The following SLC37A1 variants were observed in gnomAD, a reference collection of about 807,000 sequenced individuals.
The protein encoded by SLC37A1 is solute carrier family 37 member 1, also known as glucose-6-phosphate exchanger SLC37A1.
Under a neutral mutation model 75.3 loss-of-function variants are expected in SLC37A1, and 49 were observed. The ratio of observed to expected loss-of-function variants is 0.65; its 90% CI spans 0.52 to 0.83. The LOEUF is 0.83. Among genes scored for constraint, SLC37A1 ranks in the 40% least tolerant of loss-of-function variants. SLC37A1 has a pLI of 0.00. For synonymous variants in SLC37A1, 268 were observed against 292.1 expected (o/e 0.92, Z 0.84); for missense variants, 566 against 695.0 (o/e 0.81, Z 2.09).
intron 18 of SLC37A1, 146 bp from the exon 19 acceptor site, chr21:42,579,590 C>T: frequency 3.2e-6 from 1 of 317,030 alleles, no homozygotes; most frequent in Non-Finnish European, 5.3e-6. Context: ...CCCCGCTGCT[C>T]TTGCAGGGAG....
chr21:42,569,716 C>T (rs2056077697), intron 17 of SLC37A1, among the ~76,000 whole-genome samples: 1 of 152,260 alleles, frequency 6.6e-6, no homozygotes, highest in Admixed American at 6.5e-5. Flanking sequence ...GGATTCGGTG[C>T]ACTCCTCTGT....
At chr21:42,520,678 C>T (rs556954040) in intron 2 of SLC37A1, among the ~76,000 whole-genome samples, 26 of 151,798 alleles carry the variant, frequency 1.7e-4, no homozygotes, top group South Asian at 4.2e-4. Flanking sequence ...TAAAATGCAC[C>T]CCGCTAGGAG....
At chr21:42,505,747 T>C (rs778347447) in intron 2 of SLC37A1, among the ~76,000 whole-genome samples, 2 of 152,252 alleles carry the variant, frequency 1.3e-5, no homozygotes, top group African/African-American at 2.4e-5. Context: ...AAAGAGCTTT[T>C]TAAATTTTGT....
chr21:42,579,816 G>T lies in SLC37A1; in HGVS notation c.1586+16G>T, dbSNP rs766768429. ...ACCAAGTTCCGTAAGTCCCACTCGGGCCCTGTCTCCGTGCGTGAAAGCCGG... is the reference window on the plus strand; with the variant it reads ...ACCAAGTTCCGTAAGTCCCACTCGGTCCCTGTCTCCGTGCGTGAAAGCCGG... On this transcript the variant is annotated intron_variant, in intron 19 of 19. Transcript: ENST00000352133. 3.7e-6 allele frequency: 6 copies of T among 1,613,724 alleles called. No homozygotes were observed. The highest frequency in any genetic ancestry group is 5.1e-6 in the Non-Finnish European group (6 of 1,179,850).
intron 1 of SLC37A1, among the ~76,000 whole-genome samples, chr21:42,516,403 G>A (rs2054522449): frequency 6.6e-6 from 1 of 152,158 alleles, no homozygotes; most frequent in Admixed American, 6.5e-5. Context: ...GCCTCTTCAG[G>A]GTGGTCACGG....
rs1471017890 is a variant in SLC37A1 at position 42,508,276 on chromosome 21, C to T, written c.-179+5859C>T. On this transcript the variant is annotated intron_variant, in intron 2 of 20. Transcript: ENST00000398341. ...CCCCCGTAGCTATGATTACAGGTGC[C>T]CGCCACCATGCCTGGCTAATTTTTG... Among the ~76,000 whole-genome samples, 3 of 151,844 alleles carry T rather than the reference C, an allele frequency of 2.0e-5. No homozygotes were observed. In the East Asian group the frequency reaches 5.8e-4, roughly 29 times the overall value.
chr21:42,521,114 G>T (rs534770987), intron 2 of SLC37A1, among the ~76,000 whole-genome samples: 2 of 152,300 alleles, frequency 1.3e-5, no homozygotes, highest in East Asian at 3.9e-4. Context: ...CCCGTGGGGC[G>T]GCAGCTTGAG....
At chr21:42,554,227 C>A in intron 10 of SLC37A1, 85 bp downstream of exon 10, 2 of 1,150,474 alleles carry the variant, frequency 1.7e-6, no homozygotes, top group Non-Finnish European at 2.5e-6. Context: ...TGTCCCTCTG[C>A]CTATGTGACA....
Position 42,549,238 on chromosome 21 carries a change from G to A in SLC37A1, c.768+2098G>A, listed in dbSNP as rs372079384. ...AGAAGAGCTTTTCTCACCCAGGGGC[G>A]GCCAGGCCTGAGGATAGGAAGCAGG... On this transcript the variant is annotated intron_variant, in intron 9 of 19. Transcript: ENST00000352133. Among the ~76,000 whole-genome samples, 8 of 152,290 alleles carry A rather than the reference G, an allele frequency of 5.3e-5. 1 individual carries two copies. The East Asian group carries it at 1.2e-3, about 22-fold the overall frequency.
chr21:42,575,812 C>T, intron 18 of SLC37A1: 2 of 985,252 alleles, frequency 2.0e-6, no homozygotes, highest in African/African-American at 1.7e-5. Context: ...AATCAAATAC[C>T]GACTCTCAAC....
intron 11 of SLC37A1, 65 bp from the exon 12 acceptor site, chr21:42,562,013 T>C: frequency 1.5e-6 from 2 of 1,317,630 alleles, no homozygotes; most frequent in Non-Finnish European, 2.2e-6. Flanking sequence ...TTAACTCTGT[T>C]GCATGTTTAC....
intron 15 of SLC37A1, 105 bp from the exon 16 acceptor site, chr21:42,566,880 G>A: frequency 1.8e-6 from 2 of 1,130,320 alleles, no homozygotes; most frequent in Non-Finnish European, 1.3e-6. Context: ...TGTTTCTGCT[G>A]CATCCCCTCC....
intron 1 of SLC37A1, among the ~76,000 whole-genome samples, chr21:42,517,687 C>G (rs763333320): frequency 5.3e-5 from 8 of 152,190 alleles, no homozygotes; most frequent in Admixed American, 2.6e-4. Context: ...GCCTTCAGCC[C>G]TGACTTCATA....
intron 2 of SLC37A1, among the ~76,000 whole-genome samples, chr21:42,520,969 C>T (rs753595936): frequency 6.6e-6 from 1 of 152,172 alleles, no homozygotes; most frequent in Non-Finnish European, 1.5e-5. Context: ...TAAGATTCGG[C>T]GAGTCCTACT....
chr21:42,572,944 T>C (rs1258637111), intron 17 of SLC37A1, among the ~76,000 whole-genome samples: 3 of 152,168 alleles, frequency 2.0e-5, no homozygotes, highest in Admixed American at 6.5e-5. Flanking sequence ...GTGGGGACAG[T>C]GTGCTGGCTG....
rs1284169728 is a variant in SLC37A1 at position 42,530,651 on chromosome 21, CACA to C, written c.139-4046_139-4044del. On this transcript the variant is annotated intron_variant, in intron 3 of 19. Coordinates refer to ENST00000352133, the MANE Select transcript of SLC37A1 (RefSeq NM_001320537.2). Reference sequence around the variant, plus strand: ...ACACACACACACACACACACACACACACACCCCCTCTGTGTTGGCTGAAGGTGG... The same window carrying C: ...ACACACACACACACACACACACACACCCCCCTCTGTGTTGGCTGAAGGTGG... Among the ~76,000 whole-genome samples, 117 of 31,118 alleles carry C rather than the reference CACA, an allele frequency of 3.8e-3. 2 individuals carry two copies. The highest frequency in any genetic ancestry group is 7.9e-3 in the Admixed American group (16 of 2,014). The allele number at this position is 31,118 out of a possible 152,430, so 20.4% of individuals were successfully genotyped here.
chr21:42,531,237 C>T (rs1485592200), intron 3 of SLC37A1, among the ~76,000 whole-genome samples: 3 of 152,204 alleles, frequency 2.0e-5, no homozygotes, highest in South Asian at 4.1e-4. Flanking sequence ...CCCGCACACT[C>T]GTCGCGCTGT....
At chr21:42,578,094 A>G (rs1175337847) in intron 18 of SLC37A1, among the ~76,000 whole-genome samples, 1 of 152,206 alleles carries the variant, frequency 6.6e-6, no homozygotes, top group Non-Finnish European at 1.5e-5. Context: ...AAAATAGACA[A>G]GTGTTTCCTC....
intron 14 of SLC37A1, 88 bp from the exon 15 acceptor site, chr21:42,565,739 C>G: frequency 7.9e-7 from 1 of 1,264,762 alleles, no homozygotes; most frequent in Non-Finnish European, 1.1e-6. Context: ...TGAGAATCAC[C>G]CGCCGGGTTT....
Sources: allele counts gnomAD v4.1 joint callset (sites outside exome capture counted in the v4.1 genomes callset), GRCh38; gene constraint gnomAD v4.1.1; transcripts MANE v1.5; gene names NCBI Gene and HGNC (gene_info 2026-07-23, HGNC 2026-07-21).